The following WDR72 variants were observed in gnomAD, a reference collection of about 807,000 sequenced individuals.
WDR72 encodes WD repeat-containing protein 72.
WDR72 carries 120 observed loss-of-function variants against 124.2 expected under a neutral mutation model. That is an observed-to-expected ratio of 0.97 (90% confidence interval 0.83 to 1.12). The LOEUF (loss-of-function observed/expected upper bound fraction) is 1.12. Among genes scored for constraint, WDR72 ranks in the 50% most tolerant of loss-of-function variants. The pLI is 0.00. For synonymous variants in WDR72, 452 were observed against 441.7 expected (o/e 1.02, Z -0.29); for missense variants, 1,387 against 1,278.8 (o/e 1.08, Z -1.29).
intron 3 of WDR72, among the ~76,000 whole-genome samples, chr15:53,718,575 T>C (rs1199735332): frequency 2.0e-5 from 3 of 152,128 alleles, no homozygotes; most frequent in African/African-American, 4.8e-5. Context: ...ATTTGTGGTG[T>C]ATGAAATGGA....
Position 53,515,922 on chromosome 15 carries a change from C to G in WDR72, c.*1777G>C, listed in dbSNP as rs1891436639. On this transcript the variant is annotated 3_prime_UTR_variant, in exon 20 of 20. Coordinates refer to ENST00000360509, the MANE Select transcript of WDR72 (RefSeq NM_182758.4). ...AATAGATTTTAACAATTAAAAATGC[C>G]TCATTTGAGAGGACATACACTTATT... 6.6e-6 allele frequency: 1 copy of G among 152,068 alleles called. No individual in the cohort carries two copies. The highest frequency in any genetic ancestry group is 1.5e-5 in the Non-Finnish European group (1 of 67,988). 9.4% of individuals were successfully genotyped at this position (152,068 alleles called of 1,614,324 possible).
chr15:53,692,869 G>A (rs1595854933), intron 13 of WDR72, among the ~76,000 whole-genome samples: 1 of 152,244 alleles, frequency 6.6e-6, no homozygotes, highest in African/African-American at 2.4e-5. Context: ...TCTGGAAAAG[G>A]TGACATAGGA....
intron 18 of WDR72, among the ~76,000 whole-genome samples, chr15:53,569,325 C>A (rs1334469930): frequency 6.6e-6 from 1 of 151,960 alleles, no homozygotes; most frequent in African/African-American, 2.4e-5. Flanking sequence ...TTAGAGATGA[C>A]AAGGATTGCA....
chr15:53,604,600 T>A (rs2013194110), intron 17 of WDR72, among the ~76,000 whole-genome samples: 1 of 139,378 alleles, frequency 7.2e-6, no homozygotes, highest in African/African-American at 2.6e-5. Flanking sequence ...AAGTCTAACA[T>A]CCAGAGTCTA....
rs1987069988 is a variant in WDR72 at position 53,589,324 on chromosome 15, G to C, written c.3148+7755C>G. ...AATTTCAGTTTGTATTCAAGACTTT[G>C]TCTGGATGCTAAAGAATAGCAATCG... is the stretch of plus-strand genomic sequence containing the variant. On this transcript the variant is annotated intron_variant, in intron 18 of 19. Transcript: ENST00000360509. Among the ~76,000 whole-genome samples the C allele has an allele frequency of 2.0e-5, 3 of 151,628 alleles. No homozygotes were observed. The South Asian group carries it at 6.2e-4, about 31-fold the overall frequency.
At chr15:53,762,640 C>T (rs1403614605), upstream of WDR72, 1 of 152,256 alleles carries the variant, frequency 6.6e-6, no homozygotes. Context: ...ATCCCCAAGC[C>T]TTCATCCTAC....
rs928121087 is a variant in WDR72, at chr15:53,516,079, G to A, written c.*1620C>T. 2 of 151,948 alleles carry A rather than the reference G, an allele frequency of 1.3e-5. No individual in the cohort carries two copies. Among genetic ancestry groups the A allele is most frequent in the Non-Finnish European group, 2.9e-5 (2 of 67,962 alleles). The allele number at this position is 151,948 out of a possible 1,614,324, so 9.4% of individuals were successfully genotyped here. A position where few individuals can be genotyped will look rare whatever the true frequency, so the allele number is the denominator to read the frequency against. ...CTTTATTTTGAAACTTGTTTGAAGT[G>A]GCTTTTGACTGTTTCTAAAGGAGGG... On this transcript the variant is annotated 3_prime_UTR_variant, in exon 20 of 20. Transcript: ENST00000360509.
At chr15:53,592,028 T>C (rs919526377) in intron 18 of WDR72, among the ~76,000 whole-genome samples, 24 of 152,134 alleles carry the variant, frequency 1.6e-4, no homozygotes, top group African/African-American at 5.5e-4. Context: ...ACCCAACATA[T>C]GGGCCAAGTC....
chr15:53,560,426 CTT>C (rs1894087487), intron 18 of WDR72, among the ~76,000 whole-genome samples: 1 of 151,864 alleles, frequency 6.6e-6, no homozygotes, highest in South Asian at 2.1e-4. Flanking sequence ...ACGAGCAACT[CTT>C]TTAACTGTAG....
At chr15:53,551,426 C>G (rs1453761504) in intron 18 of WDR72, among the ~76,000 whole-genome samples, 1 of 152,148 alleles carries the variant, frequency 6.6e-6, no homozygotes, top group East Asian at 1.9e-4. Context: ...TTTGATCAAA[C>G]CCACTCTCAG....
rs1190741200 is a variant in WDR72 at position 53,684,715 on chromosome 15, AAGGAG to A, written c.1765+15030_1765+15034del. 2.0e-5 allele frequency: 3 copies of A among 152,682 alleles called. No individual in the cohort carries two copies. The East Asian group carries it at 5.8e-4, about 30-fold the overall frequency. 9.5% of individuals were successfully genotyped at this position (152,682 alleles called of 1,614,324 possible). On this transcript the variant is annotated intron_variant, in intron 13 of 19. Coordinates refer to ENST00000360509, the MANE Select transcript of WDR72 (RefSeq NM_182758.4). ...AACTGGGTGGAGCCCACCACAGCTC[AAGGAG>A]GCCTGCCTGCCTCTGTAGGCTCCAC...
intron 14 of WDR72, among the ~76,000 whole-genome samples, chr15:53,631,076 T>G (rs2014408501): frequency 6.6e-6 from 1 of 152,214 alleles, no homozygotes; most frequent in African/African-American, 2.4e-5. Context: ...TGCCCAAATC[T>G]CATGTTGAAG....
chr15:53,713,575 T>C (rs1280716170), intron 6 of WDR72, among the ~76,000 whole-genome samples: 1 of 151,696 alleles, frequency 6.6e-6, no homozygotes, highest in Admixed American at 6.6e-5. Flanking sequence ...CTCAGCCTCC[T>C]GAGTAGCTAG....
chr15:53,559,401 C>G (rs1402269432), intron 18 of WDR72, among the ~76,000 whole-genome samples: 2 of 152,152 alleles, frequency 1.3e-5, no homozygotes, highest in African/African-American at 4.8e-5. Context: ...CCAACAGACT[C>G]TTATTTTTCC....
chr15:53,571,770 ATTTTT>A (rs55973676), intron 18 of WDR72, among the ~76,000 whole-genome samples: 1 of 147,882 alleles, frequency 6.8e-6, no homozygotes, highest in Non-Finnish European at 1.5e-5. Flanking sequence ...TCTATTTTTC[ATTTTT>A]TTTTTTTTTT....
intron 18 of WDR72, among the ~76,000 whole-genome samples, chr15:53,526,532 C>T (rs1402508951): frequency 6.6e-6 from 1 of 152,044 alleles, no homozygotes; most frequent in Non-Finnish European, 1.5e-5. Context: ...TTAGCTAATT[C>T]TTCTCACCTG....
At chr15:53,571,931 C>A (rs992570618) in intron 18 of WDR72, among the ~76,000 whole-genome samples, 2 of 152,030 alleles carry the variant, frequency 1.3e-5, no homozygotes, top group Non-Finnish European at 2.9e-5. Flanking sequence ...AGAATGATAT[C>A]TCATTGTAGT....
rs267607178 is a variant in WDR72 at position 53,615,858 on chromosome 15, G to C, written c.2348C>G (p.Ser783Ter). The change falls in exon 15 of 20, where the codon TCA becomes TGA. Residue 783 changes from serine to a stop codon, truncating the protein, a stop_gained. Transcript: ENST00000360509. LOFTEE classifies it high-confidence loss of function. ...KISKKMQPKP[S>*]RKVDASLTID... The stretch of plus-strand genomic sequence containing the variant: ...TGTGAGACTGGCATCTACTTTTCTT[G>C]ATGGCTTAGGCTGCATTTTTTTGGA... The C allele has an allele frequency of 1.2e-6, 2 of 1,613,588 alleles. 1 individual carries two copies. Among genetic ancestry groups the C allele is most frequent in the South Asian group, 2.2e-5 (2 of 91,078 alleles).
intron 14 of WDR72, among the ~76,000 whole-genome samples, chr15:53,650,629 C>A (rs764629584): frequency 6.6e-6 from 1 of 152,126 alleles, no homozygotes; most frequent in Non-Finnish European, 1.5e-5. Flanking sequence ...ATGGCAAAAT[C>A]TTATTCATCC....
Sources: allele counts gnomAD v4.1 joint callset (sites outside exome capture counted in the v4.1 genomes callset), GRCh38; gene constraint gnomAD v4.1.1; transcripts MANE v1.5; gene names NCBI Gene and HGNC (gene_info 2026-07-23, HGNC 2026-07-21).